The following SNTG1 variants were observed in gnomAD, a reference collection of about 807,000 sequenced individuals.
SNTG1 encodes gamma-1-syntrophin.
In SNTG1, 39 loss-of-function variants were observed where a neutral mutation model predicts 74.7. The observed-to-expected ratio is 0.52, with a 90% CI of 0.40 to 0.68. The LOEUF (loss-of-function observed/expected upper bound fraction) is 0.68. Ranked by LOEUF, SNTG1 falls within the 30% of genes least tolerant of loss-of-function variation. SNTG1 has a pLI of 0.00. For missense variants in SNTG1, 685 were observed against 609.5 expected, an observed-to-expected ratio of 1.12 and a Z score of -1.30; for synonymous variants, 254 against 217.1, an observed-to-expected ratio of 1.17 and a Z score of -1.49.
At chr8:50,680,942 A>G (rs1329148389) in intron 15 of SNTG1, among the ~76,000 whole-genome samples, 1 of 152,194 alleles carries the variant, frequency 6.6e-6, no homozygotes, top group Non-Finnish European at 1.5e-5. Context: ...TGAAAACACA[A>G]TGTAAATAAA....
chr8:50,599,290 T>A (rs762857500), intron 13 of SNTG1, among the ~76,000 whole-genome samples: 75 of 152,090 alleles, frequency 4.9e-4, no homozygotes, highest in Admixed American at 1.6e-3. Flanking sequence ...AGAAATGAAG[T>A]AATGTGATTC....
At chr8:50,513,813 C>T (rs969848394) in intron 9 of SNTG1, among the ~76,000 whole-genome samples, 5 of 152,226 alleles carry the variant, frequency 3.3e-5, no homozygotes, top group African/African-American at 9.6e-5. Context: ...TGCTATCTGT[C>T]ACCCCTTTCT....
At chr8:50,117,696 T>G (rs1333305369) in intron 1 of SNTG1, among the ~76,000 whole-genome samples, 3 of 152,164 alleles carry the variant, frequency 2.0e-5, no homozygotes, top group Admixed American at 6.6e-5. Context: ...AGTAGCGAAG[T>G]CTCTCTCCTG....
intron 13 of SNTG1, among the ~76,000 whole-genome samples, chr8:50,621,846 T>A (rs1375795722): frequency 6.6e-6 from 1 of 152,238 alleles, no homozygotes; most frequent in Non-Finnish European, 1.5e-5. Flanking sequence ...AAATAATTAG[T>A]CAATAAAATA....
intron 1 of SNTG1, among the ~76,000 whole-genome samples, chr8:50,107,072 C>A (rs1373586524): frequency 9.2e-5 from 14 of 152,080 alleles, no homozygotes; most frequent in Admixed American, 9.2e-4. Flanking sequence ...AAGAGACTTT[C>A]CAGTCTAAAT....
intron 11 of SNTG1, among the ~76,000 whole-genome samples, chr8:50,542,374 C>A (rs944327323): frequency 6.6e-6 from 1 of 151,848 alleles, no homozygotes; most frequent in African/African-American, 2.4e-5. Flanking sequence ...CTAGCCTGGT[C>A]TGGAACTCCT....
intron 13 of SNTG1, among the ~76,000 whole-genome samples, chr8:50,602,957 G>A (rs1483892295): frequency 6.8e-6 from 1 of 147,962 alleles, no homozygotes; most frequent in Non-Finnish European, 1.5e-5. Flanking sequence ...ATTTTCTCTG[G>A]CCTTTGGAAG....
intron 2 of SNTG1, among the ~76,000 whole-genome samples, chr8:50,322,621 C>T (rs564645879): frequency 1.3e-5 from 2 of 152,212 alleles, no homozygotes; most frequent in South Asian, 4.2e-4. Flanking sequence ...AATAATTGTT[C>T]TATTCCTATC....
intron 1 of SNTG1, among the ~76,000 whole-genome samples, chr8:50,152,769 G>T (rs2082114066): frequency 6.6e-6 from 1 of 152,202 alleles, no homozygotes; most frequent in Non-Finnish European, 1.5e-5. Context: ...TCTGCCGAGA[G>T]ATCAGCTGTT....
chr8:50,335,860 A>ATTTTAT (rs549088482), intron 2 of SNTG1, among the ~76,000 whole-genome samples: 6 of 147,222 alleles, frequency 4.1e-5, no homozygotes, highest in African/African-American at 1.3e-4. Context: ...ATTTTATTTT[A>ATTTTAT]TTTATGTTAC....
intron 13 of SNTG1, among the ~76,000 whole-genome samples, chr8:50,632,730 C>G (rs2095010277): frequency 6.6e-6 from 1 of 152,040 alleles, no homozygotes; most frequent in South Asian, 2.1e-4. Context: ...TATTTTAAAA[C>G]TAGTAAGATG....
chr8:50,687,198 C>T (rs562873094), intron 15 of SNTG1, among the ~76,000 whole-genome samples: 5 of 148,706 alleles, frequency 3.4e-5, no homozygotes, highest in African/African-American at 1.2e-4. Flanking sequence ...CTATAGAAAA[C>T]CATGAAACCA....
chr8:49,915,213 T>G (rs191217557), intron 1 of SNTG1, among the ~76,000 whole-genome samples: 2 of 152,322 alleles, frequency 1.3e-5, no homozygotes, highest in Admixed American at 1.3e-4. Context: ...ATACAGCTGA[T>G]ACCTGAACAC....
intron 1 of SNTG1, among the ~76,000 whole-genome samples, chr8:49,946,422 GTGGGATATATACACA>G (rs923946664): frequency 3.3e-5 from 5 of 152,174 alleles, no homozygotes; most frequent in Admixed American, 6.5e-5. Context: ...GTGTATGGTG[GTGGGATATATACACA>G]TACCAAGGAT....
At chr8:50,790,862 T>C (rs1160392233) in intron 18 of SNTG1, among the ~76,000 whole-genome samples, 2 of 151,950 alleles carry the variant, frequency 1.3e-5, no homozygotes, top group East Asian at 3.9e-4. Flanking sequence ...TTAAGGGTTG[T>C]TTATTTTTGG....
chr8:50,781,603 C>T (rs1301233189), intron 18 of SNTG1, among the ~76,000 whole-genome samples: 1 of 152,146 alleles, frequency 6.6e-6, no homozygotes, highest in African/African-American at 2.4e-5. Context: ...TGTGTCTCTG[C>T]ATGTGAGATG....
chr8:50,044,631 T>A (rs1003389265), intron 1 of SNTG1, among the ~76,000 whole-genome samples: 1 of 152,202 alleles, frequency 6.6e-6, no homozygotes, highest in African/African-American at 2.4e-5. Context: ...TAATCTGGAA[T>A]AAACTCTGCA....
chr8:50,263,757 C>G (rs2087314469), intron 2 of SNTG1, among the ~76,000 whole-genome samples: 1 of 152,120 alleles, frequency 6.6e-6, no homozygotes, highest in Non-Finnish European at 1.5e-5. Context: ...ACAATAGTAG[C>G]TGGAGACTTC....
chr8:49,970,659 C>T (rs191129847), intron 1 of SNTG1, among the ~76,000 whole-genome samples: 45 of 152,316 alleles, frequency 3.0e-4, no homozygotes, highest in Admixed American at 2.0e-4. Flanking sequence ...AAGGTTATAA[C>T]TTACGTAGCT....
Sources: allele counts gnomAD v4.1 joint callset (sites outside exome capture counted in the v4.1 genomes callset), GRCh38; gene constraint gnomAD v4.1.1; transcripts MANE v1.5; gene names NCBI Gene and HGNC (gene_info 2026-07-23, HGNC 2026-07-21).